CEP128: variants seen among roughly 807,000 people sequenced by gnomAD.
The protein encoded by CEP128 is centrosomal protein 128.
A neutral mutation model predicts 156.7 loss-of-function variants in CEP128; 132 were observed. That is an observed-to-expected ratio of 0.84 (90% CI 0.73 to 0.97). CEP128 has a LOEUF of 0.97. Among genes scored for constraint, CEP128 ranks in the 50% least tolerant of loss-of-function variants. The pLI, the probability that CEP128 is intolerant of heterozygous loss-of-function variation, is 0.00. For missense variants in CEP128, 1,252 were observed against 1,281.9 expected (o/e 0.98, Z 0.36); for synonymous variants, 469 against 448.9 (o/e 1.04, Z -0.57).
At chr14:80,566,968 C>T (rs936588226) in intron 20 of CEP128, among the ~76,000 whole-genome samples, 4 of 151,634 alleles carry the variant, frequency 2.6e-5, no homozygotes, top group Non-Finnish European at 5.9e-5. Flanking sequence ...ATGTCATGTT[C>T]TAGCCTACAG....
chr14:80,744,441 G>T (rs1898993840), intron 18 of CEP128, among the ~76,000 whole-genome samples: 1 of 152,080 alleles, frequency 6.6e-6, no homozygotes, highest in Non-Finnish European at 1.5e-5. Context: ...GATATATAGA[G>T]TTCTGTAGAA....
intron 19 of CEP128, among the ~76,000 whole-genome samples, chr14:80,701,424 C>T (rs890370300): frequency 3.9e-5 from 6 of 152,112 alleles, no homozygotes; most frequent in Admixed American, 3.9e-4. Flanking sequence ...CAGCAGATGT[C>T]ACTTTATAGT....
intron 21 of CEP128, among the ~76,000 whole-genome samples, chr14:80,546,290 G>C (rs1365006229): frequency 6.6e-6 from 1 of 152,166 alleles, no homozygotes; most frequent in Non-Finnish European, 1.5e-5. Flanking sequence ...CCATTTCCTA[G>C]ATGATAGGAA....
intron 13 of CEP128, among the ~76,000 whole-genome samples, chr14:80,823,262 G>A (rs1303018727): frequency 6.6e-6 from 1 of 152,214 alleles, no homozygotes; most frequent in African/African-American, 2.4e-5. Flanking sequence ...CACTGAGATG[G>A]CACCTGTCAA....
At chr14:80,954,274 G>GAA (rs58619212) in intron 2 of CEP128, among the ~76,000 whole-genome samples, 12 of 141,984 alleles carry the variant, frequency 8.5e-5, no homozygotes, top group African/African-American at 3.0e-4. Flanking sequence ...CGTTTCAAAA[G>GAA]AAAAAAAAAA....
intron 9 of CEP128, among the ~76,000 whole-genome samples, chr14:80,860,706 T>G (rs1375612900): frequency 6.6e-6 from 1 of 152,008 alleles, no homozygotes; most frequent in Non-Finnish European, 1.5e-5. Context: ...TACAAGGGTA[T>G]GTCTTCTTTT....
At chr14:80,809,442 C>T (rs1346554396) in intron 13 of CEP128, among the ~76,000 whole-genome samples, 1 of 152,126 alleles carries the variant, frequency 6.6e-6, no homozygotes, top group African/African-American at 2.4e-5. Context: ...CAAAAACCTA[C>T]TTAACAAAAT....
At chr14:80,676,232 A>G (rs1896054403) in intron 19 of CEP128, among the ~76,000 whole-genome samples, 1 of 152,038 alleles carries the variant, frequency 6.6e-6, no homozygotes, top group East Asian at 1.9e-4. Flanking sequence ...AAAGTATTTT[A>G]AATATTTCAG....
At chr14:80,548,861 G>A (rs1434625651) in intron 21 of CEP128, among the ~76,000 whole-genome samples, 3 of 152,218 alleles carry the variant, frequency 2.0e-5, no homozygotes, top group Non-Finnish European at 2.9e-5. Context: ...CCTTTCCTAT[G>A]TTATCATGTT....
At chr14:80,675,370 TG>T (rs1896018056) in intron 19 of CEP128, among the ~76,000 whole-genome samples, 1 of 152,104 alleles carries the variant, frequency 6.6e-6, no homozygotes, top group Admixed American at 6.5e-5. Context: ...CTTTATAAGA[TG>T]TTTTTTAAGA....
intron 19 of CEP128, among the ~76,000 whole-genome samples, chr14:80,596,500 T>C (rs1892325463): frequency 6.6e-6 from 1 of 151,938 alleles, no homozygotes; most frequent in Non-Finnish European, 1.5e-5. Flanking sequence ...GGTTTAAAAA[T>C]ACCAGGAATT....
intron 8 of CEP128, among the ~76,000 whole-genome samples, chr14:80,887,275 G>A (rs1888854119): frequency 6.6e-6 from 1 of 152,186 alleles, no homozygotes. Flanking sequence ...GGACCAAGTA[G>A]ACCTAATAGG....
intron 8 of CEP128, among the ~76,000 whole-genome samples, chr14:80,879,782 C>T (rs1268160796): frequency 6.6e-6 from 1 of 152,112 alleles, no homozygotes; most frequent in Non-Finnish European, 1.5e-5. Flanking sequence ...TTGCTGAAAA[C>T]CCCCCAAGTC....
At chr14:80,692,572 C>T (rs1337392293) in intron 19 of CEP128, among the ~76,000 whole-genome samples, 2 of 152,176 alleles carry the variant, frequency 1.3e-5, no homozygotes, top group African/African-American at 4.8e-5. Context: ...GAATGTCCTC[C>T]ATTATATCTC....
intron 6 of CEP128, among the ~76,000 whole-genome samples, chr14:80,902,805 C>T (rs1281981060): frequency 6.6e-6 from 1 of 152,076 alleles, no homozygotes; most frequent in Non-Finnish European, 1.5e-5. Context: ...CTTGTTCATA[C>T]TAAACCAAAC....
chr14:80,881,577 G>A (rs1486728758), intron 8 of CEP128, among the ~76,000 whole-genome samples: 5 of 152,074 alleles, frequency 3.3e-5, no homozygotes, highest in Non-Finnish European at 5.9e-5. Flanking sequence ...CATTTTACAA[G>A]AGCAGTATTA....
In CEP128 at chr14:80,681,540, C is replaced by T. The variant is rs147960882; in HGVS notation, c.2806+61535G>A. 7.3e-3 allele frequency among the ~76,000 whole-genome samples: 1,112 copies of T among 152,268 alleles called. 11 individuals are homozygous for T. Among genetic ancestry groups the T allele is most frequent in the Middle Eastern group, 0.017 (5 of 294 alleles). On this transcript the variant is annotated intron_variant, in intron 19 of 24. Transcript: ENST00000555265. Reference sequence around the variant, plus strand: ...AATCCCCACATGTTGTGGGAGGGAGCAGGTGGGAGGTAATTGAATCACGGG... The same window carrying T: ...AATCCCCACATGTTGTGGGAGGGAGTAGGTGGGAGGTAATTGAATCACGGG...
chr14:80,591,221 TAA>T (rs1357260986), intron 19 of CEP128, among the ~76,000 whole-genome samples: 2 of 151,858 alleles, frequency 1.3e-5, no homozygotes, highest in African/African-American at 2.4e-5. Flanking sequence ...GAAAATTGGA[TAA>T]AGAGTCAAGA....
At chr14:80,634,438 C>T (rs1464303522) in intron 19 of CEP128, among the ~76,000 whole-genome samples, 1 of 152,080 alleles carries the variant, frequency 6.6e-6, no homozygotes, top group African/African-American at 2.4e-5. Context: ...GAAAGTGGTA[C>T]TAATATCAAT....
Sources: gnomAD v4.1 joint callset for allele counts (sites outside exome capture counted in the v4.1 genomes callset) on GRCh38, gnomAD v4.1.1 for gene constraint, MANE v1.5 for transcripts, NCBI Gene and HGNC (gene_info 2026-07-23, HGNC 2026-07-21) for gene names.